ZNF892: variants seen among roughly 807,000 people sequenced by gnomAD.
ZNF892 encodes zinc finger protein 892.
the ZNF892 span, among the ~76,000 whole-genome samples, chr2:95,257,914 G>A: frequency 6.6e-6 from 1 of 152,290 alleles, no homozygotes; most frequent in South Asian, 2.1e-4. Context: ...AAGACCATTG[G>A]AAAAGCGCAG....
At chr2:95,244,612 A>G in the ZNF892 span, among the ~76,000 whole-genome samples, 1 of 152,168 alleles carries the variant, frequency 6.6e-6, no homozygotes, top group Non-Finnish European at 1.5e-5. Flanking sequence ...AACACCACTG[A>G]CAATATTAGA....
At chr2:95,215,179 C>T in the ZNF892 span, 1 of 454,448 alleles carries the variant, frequency 2.2e-6, no homozygotes, top group Non-Finnish European at 3.9e-6. Context: ...CACCAGAGAA[C>T]TCATACTGGG....
the ZNF892 span, chr2:95,208,769 G>A: frequency 1.5e-5 from 6 of 398,588 alleles, no homozygotes; most frequent in Non-Finnish European, 2.2e-5. Context: ...TTTTCCTTCT[G>A]TTCTCAGAGC....
the ZNF892 span, among the ~76,000 whole-genome samples, chr2:95,261,514 C>T: frequency 1.7e-4 from 26 of 152,190 alleles, 1 homozygote; most frequent in South Asian, 2.7e-3. Flanking sequence ...AGGTTGGTCT[C>T]GAACTCCTGA....
At chr2:95,234,916 T>C in the ZNF892 span, among the ~76,000 whole-genome samples, 8 of 152,070 alleles carry the variant, frequency 5.3e-5, no homozygotes, top group Admixed American at 5.2e-4. Flanking sequence ...GTTCCAGAGG[T>C]CTGGACTTGT....
chr2:95,212,647 C>A, the ZNF892 span, among the ~76,000 whole-genome samples: 2 of 152,142 alleles, frequency 1.3e-5, no homozygotes, highest in African/African-American at 2.4e-5. Context: ...ACTGTAAATT[C>A]ATCTCTGGGT....
At chr2:95,221,921 C>T in the ZNF892 span, among the ~76,000 whole-genome samples, 1 of 152,050 alleles carries the variant, frequency 6.6e-6, no homozygotes, top group Non-Finnish European at 1.5e-5. Flanking sequence ...TTCTTCTCCT[C>T]CTCCCTCCCT....
At chr2:95,242,263 A>G in the ZNF892 span, among the ~76,000 whole-genome samples, 2 of 152,236 alleles carry the variant, frequency 1.3e-5, no homozygotes, top group African/African-American at 4.8e-5. Flanking sequence ...GCCACTTACA[A>G]AGGGAAGCCT....
chr2:95,210,369 A>G, the ZNF892 span, among the ~76,000 whole-genome samples: 4 of 152,192 alleles, frequency 2.6e-5, no homozygotes, highest in East Asian at 7.7e-4. Context: ...CTCTAAGTTA[A>G]ATTGTAGTTG....
the ZNF892 span, chr2:95,215,028 C>T: frequency 1.9e-6 from 1 of 515,724 alleles, no homozygotes; most frequent in Non-Finnish European, 3.5e-6. Context: ...TGGAGAGAAA[C>T]CTTATGAGTG....
At chr2:95,255,481 G>A in the ZNF892 span, among the ~76,000 whole-genome samples, 3 of 152,146 alleles carry the variant, frequency 2.0e-5, no homozygotes, top group African/African-American at 7.2e-5. Flanking sequence ...CATTTGCTGA[G>A]GAGTGCTTTA....
the ZNF892 span, among the ~76,000 whole-genome samples, chr2:95,223,398 G>A: frequency 6.6e-6 from 1 of 151,478 alleles, no homozygotes; most frequent in Non-Finnish European, 1.5e-5. Flanking sequence ...GGGTTTTTTT[G>A]GGGGGGAGGA....
the ZNF892 span, among the ~76,000 whole-genome samples, chr2:95,207,034 T>G: frequency 6.6e-6 from 1 of 152,212 alleles, no homozygotes. Flanking sequence ...TGGCCGTTTT[T>G]GGGGTTGAAG....
the ZNF892 span, among the ~76,000 whole-genome samples, chr2:95,238,436 C>T: frequency 1.3e-5 from 2 of 152,198 alleles, no homozygotes; most frequent in South Asian, 4.1e-4. Context: ...AATGTTACTG[C>T]TCATTGACAG....
the ZNF892 span, among the ~76,000 whole-genome samples, chr2:95,250,638 TA>T: frequency 7.2e-5 from 10 of 138,766 alleles, no homozygotes; most frequent in Non-Finnish European, 1.4e-4. Flanking sequence ...ATTATAAATT[TA>T]TAAATATAAA....
chr2:95,258,737 G>T, the ZNF892 span, among the ~76,000 whole-genome samples: 3 of 152,084 alleles, frequency 2.0e-5, no homozygotes, highest in South Asian at 6.2e-4. Context: ...CCAGGGCCCC[G>T]TCCATAGGTT....
At chr2:95,246,590 G>A in the ZNF892 span, among the ~76,000 whole-genome samples, 3 of 152,172 alleles carry the variant, frequency 2.0e-5, no homozygotes, top group Non-Finnish European at 4.4e-5. Flanking sequence ...GAGATGACAT[G>A]ATCCTATATC....
At chr2:95,214,293 C>G in the ZNF892 span, 2 of 398,022 alleles carry the variant, frequency 5.0e-6, no homozygotes, top group Non-Finnish European at 8.9e-6. Context: ...ATTTTTCTCT[C>G]AGTGTAGGAA....
At chr2:95,239,654 G>A in the ZNF892 span, among the ~76,000 whole-genome samples, 6 of 151,742 alleles carry the variant, frequency 4.0e-5, no homozygotes, top group Admixed American at 1.3e-4. Context: ...GCTGGAGCAC[G>A]TCTAGCTCTG....
Sources: gnomAD v4.1 joint callset for allele counts (sites outside exome capture counted in the v4.1 genomes callset) on GRCh38, gnomAD v4.1.1 for gene constraint, MANE v1.5 for transcripts, NCBI Gene and HGNC (gene_info 2026-07-23, HGNC 2026-07-21) for gene names.